The following MGAT4C variants were observed in gnomAD, a reference collection of about 807,000 sequenced individuals.
MGAT4C encodes the protein alpha-1,3-mannosyl-glycoprotein 4-beta-N-acetylglucosaminyltransferase C.
MGAT4C carries 19 observed loss-of-function variants against 40.1 expected under a neutral mutation model. That is an observed-to-expected ratio of 0.47 (90% CI 0.33 to 0.70). The LOEUF (loss-of-function observed/expected upper bound fraction) is 0.70. Ranked by LOEUF, MGAT4C falls within the 30% of genes least tolerant of loss-of-function variation. The pLI is 0.02. For missense variants in MGAT4C, 491 were observed against 563.2 expected (o/e 0.87, Z 1.30); for synonymous variants, 181 against 187.1 (o/e 0.97, Z 0.27).
At chr12:86,821,639 C>A (rs1952708244) in intron 1 of MGAT4C, among the ~76,000 whole-genome samples, 1 of 150,844 alleles carries the variant, frequency 6.6e-6, no homozygotes, top group East Asian at 2.0e-4. Context: ...ATTGATCATC[C>A]TTTCTTAAAG....
At chr12:86,293,191 G>A (rs1468655695) in intron 4 of MGAT4C, among the ~76,000 whole-genome samples, 1 of 152,116 alleles carries the variant, frequency 6.6e-6, no homozygotes, top group Non-Finnish European at 1.5e-5. Context: ...ATTTCTTGCT[G>A]ATTTGAATGG....
intron 1 of MGAT4C, among the ~76,000 whole-genome samples, chr12:86,059,812 A>T (rs1893760406): frequency 6.6e-6 from 1 of 152,162 alleles, no homozygotes; most frequent in South Asian, 2.1e-4. Flanking sequence ...ACACCAGAGC[A>T]GCAGCCCCTA....
intron 4 of MGAT4C, among the ~76,000 whole-genome samples, chr12:86,309,564 G>A (rs959764063): frequency 4.6e-5 from 7 of 152,110 alleles, no homozygotes; most frequent in Admixed American, 2.6e-4. Flanking sequence ...AAATTCATGC[G>A]GGCTCTGCCC....
Position 86,530,316 on chromosome 12 carries a change from A to G in MGAT4C, c.-228-95051T>C, listed in dbSNP as rs111820915. Among the ~76,000 whole-genome samples, 510 of 152,012 alleles carry G rather than the reference A, an allele frequency of 3.4e-3. 1 individual carries two copies. The highest frequency in any genetic ancestry group is 0.012 in the African/African-American group (493 of 41,502). ...TTTGATTTTTGCTTATTTTCTTTCA[A>G]ACATCTAAACTGAATAAATATTTCA... is the stretch of plus-strand genomic sequence containing the variant. On this transcript the variant is annotated intron_variant, in intron 2 of 7. Coordinates refer to the MGAT4C transcript ENST00000548651.
intron 2 of MGAT4C, among the ~76,000 whole-genome samples, chr12:86,482,125 AC>A (rs1957949040): frequency 6.6e-6 from 1 of 150,680 alleles, no homozygotes; most frequent in Non-Finnish European, 1.5e-5. Flanking sequence ...TTTTCAAAGA[AC>A]AGAATAAATT....
chr12:86,101,106 T>C (rs1461665312), intron 1 of MGAT4C, among the ~76,000 whole-genome samples: 1 of 151,788 alleles, frequency 6.6e-6, no homozygotes, highest in Non-Finnish European at 1.5e-5. Context: ...GACACTATTT[T>C]TTTCAGAGAT....
At chr12:86,268,678 T>TATATATAC (rs1555261517) in intron 4 of MGAT4C, among the ~76,000 whole-genome samples, 1 of 139,906 alleles carries the variant, frequency 7.1e-6, no homozygotes, top group Admixed American at 7.0e-5. Flanking sequence ...TATATATATA[T>TATATATAC]ACATATATAC....
intron 1 of MGAT4C, among the ~76,000 whole-genome samples, chr12:86,110,584 C>A (rs1233289836): frequency 6.6e-6 from 1 of 150,834 alleles, no homozygotes; most frequent in Non-Finnish European, 1.5e-5. Context: ...ATGAGAAATT[C>A]TAACAAATAA....
intron 4 of MGAT4C, among the ~76,000 whole-genome samples, chr12:86,289,119 G>T (rs1469705418): frequency 1.3e-5 from 2 of 152,052 alleles, no homozygotes; most frequent in African/African-American, 4.8e-5. Flanking sequence ...TCAATCTTCT[G>T]CCTAGAGCTA....
At chr12:86,792,408 C>G (rs1952038693) in intron 1 of MGAT4C, among the ~76,000 whole-genome samples, 1 of 152,006 alleles carries the variant, frequency 6.6e-6, no homozygotes, top group African/African-American at 2.4e-5. Flanking sequence ...TTAGCCTTTA[C>G]CCAGGTAAAG....
chr12:86,615,176 T>C (rs1402602880), intron 2 of MGAT4C, among the ~76,000 whole-genome samples: 1 of 151,974 alleles, frequency 6.6e-6, no homozygotes, highest in Non-Finnish European at 1.5e-5. Context: ...GTGAACAATA[T>C]ACTAGGGCAA....
chr12:86,192,808 G>T (rs1889674220), intron 1 of MGAT4C, among the ~76,000 whole-genome samples: 1 of 152,014 alleles, frequency 6.6e-6, no homozygotes, highest in South Asian at 2.1e-4. Context: ...TGGTAAGTTT[G>T]TCTATTTTCA....
chr12:86,603,542 ACT>A (rs1565878101), intron 2 of MGAT4C, among the ~76,000 whole-genome samples: 1 of 15,328 alleles, frequency 6.5e-5, no homozygotes, highest in Non-Finnish European at 1.7e-4. Context: ...TAGTCTATAG[ACT>A]ATAGATAATA....
chr12:86,153,585 T>C (rs1593088076), intron 1 of MGAT4C, among the ~76,000 whole-genome samples: 3 of 152,340 alleles, frequency 2.0e-5, no homozygotes, highest in Admixed American at 2.0e-4. Flanking sequence ...ACCTGTAACC[T>C]GCATGTGTCA....
At chr12:86,033,966 A>T (rs1462595560) in intron 2 of MGAT4C, among the ~76,000 whole-genome samples, 1 of 149,428 alleles carries the variant, frequency 6.7e-6, no homozygotes, top group Non-Finnish European at 1.5e-5. Context: ...ATATGAAGGA[A>T]TACTGAATTT....
At chr12:86,285,419 A>G (rs1238837019) in intron 4 of MGAT4C, among the ~76,000 whole-genome samples, 1 of 152,094 alleles carries the variant, frequency 6.6e-6, no homozygotes, top group African/African-American at 2.4e-5. Flanking sequence ...TATATATTTA[A>G]TACAGAAAAC....
At chr12:86,741,333 G>A (rs1214012229) in intron 1 of MGAT4C, among the ~76,000 whole-genome samples, 2 of 151,088 alleles carry the variant, frequency 1.3e-5, no homozygotes, top group Non-Finnish European at 3.0e-5. Context: ...ATTTTCAGTT[G>A]TTCCAAGTTA....
intron 1 of MGAT4C, among the ~76,000 whole-genome samples, chr12:86,239,157 G>C (rs1592548010): frequency 6.6e-6 from 1 of 151,956 alleles, no homozygotes; most frequent in African/African-American, 2.4e-5. Context: ...ATTCCAAAAA[G>C]GTTGTCAGAG....
intron 2 of MGAT4C, among the ~76,000 whole-genome samples, chr12:86,640,047 T>G (rs1331803949): frequency 6.6e-6 from 1 of 151,730 alleles, no homozygotes; most frequent in Non-Finnish European, 1.5e-5. Flanking sequence ...TTATTTATGC[T>G]CAATTTTGTT....
Sources: gnomAD v4.1 joint callset for allele counts (sites outside exome capture counted in the v4.1 genomes callset) on GRCh38, gnomAD v4.1.1 for gene constraint, MANE v1.5 for transcripts, NCBI Gene and HGNC (gene_info 2026-07-23, HGNC 2026-07-21) for gene names.